Variants in TOGARAM2 observed in about 807,000 individuals in gnomAD.
The protein encoded by TOGARAM2 is TOG array regulator of axonemal microtubules 2.
TOGARAM2 carries 85 observed loss-of-function variants against 93.3 expected under a neutral mutation model. The ratio of observed to expected loss-of-function variants is 0.91; its 90% CI spans 0.76 to 1.09. TOGARAM2 has a LOEUF of 1.09. TOGARAM2 is among the 50% of genes least tolerant of loss of function. The pLI is 0.00. For missense variants in TOGARAM2, 1,277 were observed against 1,334.5 expected (o/e 0.96, Z 0.67); for synonymous variants, 593 against 552.8 (o/e 1.07, Z -1.02).
At chr2:29,017,345 G>T in intron 9 of TOGARAM2, 41 bp downstream of exon 9, 1 of 1,508,072 alleles carries the variant, frequency 6.6e-7, no homozygotes. Context: ...GGCCTGGGGA[G>T]CTGAGTCCAC....
intron 3 of TOGARAM2, 81 bp from the exon 4 acceptor site, chr2:28,999,100 A>C (rs1250863274): frequency 7.0e-7 from 1 of 1,430,366 alleles, no homozygotes; most frequent in Admixed American, 2.4e-5. Flanking sequence ...GTTAGAAGGA[A>C]GCAATGTCAA....
In TOGARAM2 at chr2:29,036,653, T is replaced by A; in HGVS notation, c.2531T>A (p.Met844Lys). 6.2e-7 allele frequency: 1 copy of A among 1,613,992 alleles called. No homozygotes were observed. Among genetic ancestry groups the A allele is most frequent in the Non-Finnish European group, 8.5e-7 (1 of 1,179,880 alleles). Residue 844 changes from methionine (M) to lysine (K), a missense_variant, in exon 18 of 20, where the codon ATG (methionine) becomes AAG (lysine). Physicochemically the swap from Met to Lys is moderately conservative, Grantham distance 95 (BLOSUM62 -1). Transcript: ENST00000379558. ...IPLLRESLHP[M>K]LLSIIITVAD... ...CTCCTCAGAGAGAGCTTACACCCCA[T>A]GCTGCTCTCCATCATCATCACTGTT... is the stretch of plus-strand genomic sequence containing the variant.
At chr2:28,987,135 G>A (rs535550894) in intron 1 of TOGARAM2, among the ~76,000 whole-genome samples, 1 of 152,302 alleles carries the variant, frequency 6.6e-6, no homozygotes, top group South Asian at 2.1e-4. Context: ...AAATGAAGAT[G>A]AAAATACATA....
chr2:29,039,175 C>T (rs571350113), intron 18 of TOGARAM2, among the ~76,000 whole-genome samples: 206 of 152,288 alleles, frequency 1.4e-3, no homozygotes, highest in African/African-American at 4.4e-3. Flanking sequence ...CTTGGGGGAC[C>T]TTTAACACCT....
chr2:28,982,517 T>C (rs796592128), intron 1 of TOGARAM2, among the ~76,000 whole-genome samples: 3 of 152,246 alleles, frequency 2.0e-5, no homozygotes, highest in African/African-American at 7.2e-5. Flanking sequence ...GAGACGGCCC[T>C]GCAGCCTTCT....
chr2:29,045,785 C>A, intron 19 of TOGARAM2: 1 of 289,250 alleles, frequency 3.5e-6, no homozygotes, highest in Non-Finnish European at 6.6e-6. Flanking sequence ...GGATGCAGAA[C>A]TGGTATCATG....
rs750497499 is a variant in TOGARAM2, at chr2:29,052,084, G to A, written c.3051G>A (p.Gln1017=). Residue 1017 remains glutamine, a synonymous_variant, in exon 20 of 20, where the codon CAG becomes CAA. Coordinates refer to ENST00000379558, the MANE Select transcript of TOGARAM2 (RefSeq NM_199280.4). The stretch of plus-strand genomic sequence containing the variant: ...CAACTGGCAGCTCATACCCTTTTCA[G>A]CTGGATTAAAGATGGATCTGAAATG... The part of the protein sequence containing the change: ...SKTTGSSYPF[Q]LD The A allele has an allele frequency of 1.3e-6, 2 of 1,572,968 alleles. No individual in the cohort carries two copies. Among genetic ancestry groups the A allele is most frequent in the Admixed American group, 3.6e-5 (2 of 54,884 alleles).
chr2:29,009,488 G>C (rs753435011), intron 6 of TOGARAM2, among the ~76,000 whole-genome samples: 1 of 151,598 alleles, frequency 6.6e-6, no homozygotes, highest in Non-Finnish European at 1.5e-5. Context: ...GGGTGGCTGA[G>C]CAGGGCAGAG....
At chr2:28,986,244 C>A (rs1198174658) in intron 1 of TOGARAM2, among the ~76,000 whole-genome samples, 2 of 151,964 alleles carry the variant, frequency 1.3e-5, no homozygotes, top group Admixed American at 6.6e-5. Context: ...TCAAAAACAG[C>A]CTAAATAAAA....
intron 1 of TOGARAM2, among the ~76,000 whole-genome samples, chr2:28,968,799 C>G (rs1421527506): frequency 1.8e-5 from 2 of 112,792 alleles, no homozygotes; most frequent in Admixed American, 1.3e-4. Context: ...GCCAGGGTGA[C>G]AGAGTGAGAC....
chr2:29,001,934 C>T (rs1673325632), intron 4 of TOGARAM2, among the ~76,000 whole-genome samples: 1 of 152,138 alleles, frequency 6.6e-6, no homozygotes, highest in South Asian at 2.1e-4. Context: ...GTGCTTCTTG[C>T]CCTGTGCCTT....
intron 4 of TOGARAM2, among the ~76,000 whole-genome samples, 180 bp from the exon 5 acceptor site, chr2:29,002,356 G>A (rs1673350203): frequency 6.6e-6 from 1 of 152,240 alleles, no homozygotes; most frequent in African/African-American, 2.4e-5. Context: ...GAATGGCACA[G>A]ACACTCAGAA....
At chr2:28,985,069 C>T (rs1038287727) in intron 1 of TOGARAM2, among the ~76,000 whole-genome samples, 14 of 152,200 alleles carry the variant, frequency 9.2e-5, no homozygotes, top group African/African-American at 3.4e-4. Context: ...ATGTTAAAGC[C>T]TAACCCCCCA....
chr2:28,962,117 C>T (rs140142575), intron 1 of TOGARAM2, among the ~76,000 whole-genome samples: 2,675 of 151,406 alleles, frequency 0.018, 74 homozygotes, highest in African/African-American at 0.06. Flanking sequence ...TTTTGGGACA[C>T]GTAAGTCTCA....
chr2:28,966,010 AG>A (rs1671860105), intron 1 of TOGARAM2, among the ~76,000 whole-genome samples: 2 of 151,408 alleles, frequency 1.3e-5, no homozygotes, highest in Non-Finnish European at 2.9e-5. Flanking sequence ...TCAGAAACAG[AG>A]GGCTCACTTA....
chr2:28,977,514 G>A (rs1213857038), upstream of TOGARAM2, among the ~76,000 whole-genome samples: 1 of 152,198 alleles, frequency 6.6e-6, no homozygotes, highest in African/African-American at 2.4e-5. Flanking sequence ...ACTCTGGTCT[G>A]CAGCTTGGAT....
chr2:28,969,309 C>T (rs936274848), intron 1 of TOGARAM2, among the ~76,000 whole-genome samples: 8 of 152,218 alleles, frequency 5.3e-5, no homozygotes, highest in African/African-American at 1.9e-4. Context: ...AGGTCAAGGG[C>T]TTTGCCCAAG....
chr2:29,035,329 C>T, intron 16 of TOGARAM2, 135 bp from the exon 17 acceptor site: 1 of 724,092 alleles, frequency 1.4e-6, no homozygotes, highest in Non-Finnish European at 1.9e-6. Context: ...GGAGGGGAAG[C>T]TGGGGGTGGA....
At position 28,975,213 on chromosome 2, in the gene TOGARAM2, G is replaced by A. The variant is rs537244178; in HGVS notation, c.-147+18516G>A. ...TTTATTGTTATTATTTTTTGAGACA[G>A]AGTCTCACTCTGTCACCCAGGCTGG... On this transcript the variant is annotated intron_variant, in intron 1 of 6. Coordinates refer to the TOGARAM2 transcript ENST00000401723. Among the ~76,000 whole-genome samples the A allele has an allele frequency of 7.8e-4, 118 of 151,722 alleles. 1 individual carries two copies. The highest frequency in any genetic ancestry group is 1.3e-3 in the Non-Finnish European group (85 of 67,918).
Sources: gnomAD v4.1 joint callset for allele counts (sites outside exome capture counted in the v4.1 genomes callset) on GRCh38, gnomAD v4.1.1 for gene constraint, MANE v1.5 for transcripts, NCBI Gene and HGNC (gene_info 2026-07-23, HGNC 2026-07-21) for gene names.